The following KCTD8 variants were observed in gnomAD, a reference collection of about 807,000 sequenced individuals.
KCTD8 encodes the protein BTB/POZ domain-containing protein KCTD8.
KCTD8 carries 27 observed loss-of-function variants against 31.5 expected under a neutral mutation model. That is an observed-to-expected ratio of 0.86 (90% CI 0.63 to 1.18). KCTD8 has a LOEUF of 1.18. KCTD8 is among the 50% of genes most tolerant of loss of function. The pLI, the probability that KCTD8 is intolerant of heterozygous loss-of-function variation, is 0.00. For missense variants in KCTD8, 658 were observed against 647.7 expected, an observed-to-expected ratio of 1.02 and a Z score of -0.17; for synonymous variants, 290 against 280.0, an observed-to-expected ratio of 1.04 and a Z score of -0.36.
intron 1 of KCTD8, among the ~76,000 whole-genome samples, chr4:44,248,603 C>T (rs919238110): frequency 6.6e-6 from 1 of 151,912 alleles, no homozygotes; most frequent in African/African-American, 2.4e-5. Context: ...GTTGCACAAG[C>T]ATGAATCAAT....
intron 1 of KCTD8, among the ~76,000 whole-genome samples, chr4:44,301,475 G>A (rs949102480): frequency 7.2e-5 from 11 of 152,194 alleles, no homozygotes; most frequent in African/African-American, 2.4e-4. Context: ...CAGTGATGAT[G>A]AGCATTTTTT....
intron 1 of KCTD8, among the ~76,000 whole-genome samples, chr4:44,268,185 C>T (rs1268260165): frequency 6.6e-6 from 1 of 152,154 alleles, no homozygotes; most frequent in African/African-American, 2.4e-5. Context: ...CATCAAAAAG[C>T]TTATCCACCA....
intron 1 of KCTD8, among the ~76,000 whole-genome samples, chr4:44,250,525 T>G (rs1715797300): frequency 6.6e-6 from 1 of 151,762 alleles, no homozygotes; most frequent in Non-Finnish European, 1.5e-5. Context: ...CAGGTTCAGG[T>G]CACTCAGGTA....
chr4:44,371,402 G>A (rs1004258940), intron 1 of KCTD8, among the ~76,000 whole-genome samples: 3 of 152,126 alleles, frequency 2.0e-5, no homozygotes, highest in Non-Finnish European at 4.4e-5. Flanking sequence ...TTTGAAAAAA[G>A]TCACATAAGA....
intron 1 of KCTD8, among the ~76,000 whole-genome samples, chr4:44,362,891 T>C (rs1169400832): frequency 6.6e-6 from 1 of 152,022 alleles, no homozygotes; most frequent in African/African-American, 2.4e-5. Flanking sequence ...AATTTTTAAA[T>C]ACTCAAAATG....
At chr4:44,324,053 A>AAAAC (rs1553901460) in intron 1 of KCTD8, among the ~76,000 whole-genome samples, 17,356 of 144,944 alleles carry the variant, frequency 0.12, 1,341 homozygotes, top group East Asian at 0.23. Context: ...TTAAAAAAAA[A>AAAAC]AAAACAAAAC....
At chr4:44,422,008 C>G (rs998745705) in intron 1 of KCTD8, among the ~76,000 whole-genome samples, 6 of 152,024 alleles carry the variant, frequency 3.9e-5, no homozygotes, top group African/African-American at 1.4e-4. Flanking sequence ...CATGCCATTC[C>G]TTCTTTCTTT....
chr4:44,255,858 G>A (rs1715976232), intron 1 of KCTD8, among the ~76,000 whole-genome samples: 1 of 151,870 alleles, frequency 6.6e-6, no homozygotes, highest in African/African-American at 2.4e-5. Flanking sequence ...AGGACACACA[G>A]GAAAGTGTTC....
intron 1 of KCTD8, among the ~76,000 whole-genome samples, chr4:44,349,511 A>G (rs1719144919): frequency 6.6e-6 from 1 of 152,206 alleles, no homozygotes; most frequent in Non-Finnish European, 1.5e-5. Flanking sequence ...CCCAGAATAA[A>G]GCATGACTGT....
intron 1 of KCTD8, among the ~76,000 whole-genome samples, chr4:44,349,425 T>C (rs984273522): frequency 1.3e-5 from 2 of 152,150 alleles, no homozygotes; most frequent in African/African-American, 2.4e-5. Flanking sequence ...GGAATGCCCA[T>C]TGCAATTGTC....
chr4:44,191,842 G>A (rs186487165), intron 1 of KCTD8, among the ~76,000 whole-genome samples: 22 of 152,196 alleles, frequency 1.4e-4, no homozygotes, highest in East Asian at 9.7e-4. Context: ...CTTTGCTTTC[G>A]TCCTTACCTT....
At chr4:44,236,490 C>T (rs1715294033) in intron 1 of KCTD8, among the ~76,000 whole-genome samples, 1 of 152,076 alleles carries the variant, frequency 6.6e-6, no homozygotes, top group African/African-American at 2.4e-5. Flanking sequence ...TTTATTTATT[C>T]CCATTCTGTT....
intron 1 of KCTD8, among the ~76,000 whole-genome samples, chr4:44,280,330 C>G (rs2109378251): frequency 6.6e-6 from 1 of 152,194 alleles, no homozygotes; most frequent in Non-Finnish European, 1.5e-5. Flanking sequence ...CATACTGCTA[C>G]CCTCTGGGTA....
intron 1 of KCTD8, among the ~76,000 whole-genome samples, chr4:44,225,796 C>G (rs191116080): frequency 2.0e-5 from 3 of 149,084 alleles, no homozygotes; most frequent in African/African-American, 7.4e-5. Context: ...CCTATCAACC[C>G]GTCACCTAGG....
At chr4:44,243,483 G>T (rs1234672508) in intron 1 of KCTD8, among the ~76,000 whole-genome samples, 1 of 152,182 alleles carries the variant, frequency 6.6e-6, no homozygotes, top group East Asian at 1.9e-4. Flanking sequence ...CTCTTTTAGA[G>T]ATAATTTCCA....
At chr4:44,396,957 G>GT (rs1720520452) in intron 1 of KCTD8, among the ~76,000 whole-genome samples, 1 of 152,000 alleles carries the variant, frequency 6.6e-6, no homozygotes. Context: ...CCAAAAATAA[G>GT]TATCACACTC....
chr4:44,194,391 G>T (rs1177384544), intron 1 of KCTD8, among the ~76,000 whole-genome samples: 1 of 152,086 alleles, frequency 6.6e-6, no homozygotes, highest in Non-Finnish European at 1.5e-5. Context: ...ACCATTATAA[G>T]GTAAAAAGAT....
chr4:44,351,420 G>A (rs1239659788), intron 1 of KCTD8, among the ~76,000 whole-genome samples: 1 of 152,080 alleles, frequency 6.6e-6, no homozygotes, highest in Non-Finnish European at 1.5e-5. Flanking sequence ...CATTTAGTTG[G>A]TATGAAACCA....
chr4:44,292,086 C>T lies in KCTD8; in HGVS notation c.962-116836G>A, dbSNP rs190946561. On this transcript the variant is annotated intron_variant, in intron 1 of 1. Coordinates refer to ENST00000360029, the MANE Select transcript of KCTD8 (RefSeq NM_198353.3). ...AGCAGTACGCAGATTTAGTGAAGAA[C>T]GTGAAGTCCCATTCAACCCAGCAAT... 7.3e-5 allele frequency among the ~76,000 whole-genome samples: 11 copies of T among 151,428 alleles called. No individual in the cohort carries two copies. In the East Asian group the frequency reaches 9.7e-4, roughly 13 times the overall value.
Sources: gnomAD v4.1 joint callset for allele counts (sites outside exome capture counted in the v4.1 genomes callset) on GRCh38, gnomAD v4.1.1 for gene constraint, MANE v1.5 for transcripts, NCBI Gene and HGNC (gene_info 2026-07-23, HGNC 2026-07-21) for gene names.